PRDM2: variants seen among roughly 807,000 people sequenced by gnomAD.
The protein encoded by PRDM2 is PR/SET domain 2, also known as PR domain zinc finger protein 2.
A neutral mutation model predicts 130.0 loss-of-function variants in PRDM2; 30 were observed. The observed-to-expected ratio is 0.23, with a 90% CI of 0.17 to 0.31. The LOEUF is 0.31. Ranked by LOEUF, PRDM2 falls within the 10% of genes least tolerant of loss-of-function variation. PRDM2 has a pLI of 1.00. For missense variants in PRDM2, 2,011 were observed against 2,108.4 expected (o/e 0.95, Z 0.90); for synonymous variants, 871 against 782.4 (o/e 1.11, Z -1.89).
At chr1:13,769,210 G>T in intron 6 of PRDM2, 1 of 937,740 alleles carries the variant, frequency 1.1e-6, no homozygotes, top group African/African-American at 1.8e-5. Flanking sequence ...CCTCCCAGCG[G>T]CTCCTGCTCC....
chr1:13,811,846 T>G (rs1208266752), intron 8 of PRDM2, among the ~76,000 whole-genome samples: 1 of 152,162 alleles, frequency 6.6e-6, no homozygotes, highest in East Asian at 1.9e-4. Flanking sequence ...GAAGGCCTCT[T>G]TCAGGAGACA....
intron 7 of PRDM2, among the ~76,000 whole-genome samples, chr1:13,776,681 C>A (rs1278878328): frequency 6.6e-6 from 1 of 152,228 alleles, no homozygotes; most frequent in African/African-American, 2.4e-5. Context: ...GTTCCATTCT[C>A]AGTCCTCATT....
intron 8 of PRDM2, chr1:13,786,965 G>C: frequency 1.0e-6 from 1 of 990,264 alleles, no homozygotes; most frequent in Non-Finnish European, 1.2e-6. Flanking sequence ...AAAACGTTTT[G>C]GTCACATATC....
At chr1:13,723,060 G>A (rs764883025) in intron 2 of PRDM2, among the ~76,000 whole-genome samples, 2 of 152,068 alleles carry the variant, frequency 1.3e-5, no homozygotes, top group African/African-American at 4.8e-5. Context: ...CTTTCTTCCC[G>A]TCTCTATTCT....
At chr1:13,736,118 T>C (rs1461919556) in intron 4 of PRDM2, among the ~76,000 whole-genome samples, 1 of 150,146 alleles carries the variant, frequency 6.7e-6, no homozygotes, top group African/African-American at 2.4e-5. Context: ...TCTTTTCTTT[T>C]TTTTTTTTTT....
In PRDM2 at chr1:13,782,291, A is replaced by T. The variant is rs1644631143; in HGVS notation, c.4496A>T (p.His1499Leu). The T allele has an allele frequency of 6.8e-6, 11 of 1,614,018 alleles. No individual in the cohort carries two copies. Among genetic ancestry groups the T allele is most frequent in the Non-Finnish European group, 9.3e-6 (11 of 1,179,998 alleles). Reference protein sequence around the residue: ...KVSHSSKKGGHSSPASSDKNS... With the variant: ...KVSHSSKKGGLSSPASSDKNS... ...TCTCATTCATCTAAGAAAGGTGGACACTCATCACCTGCAAGTAGTGACAAA... is the reference window on the plus strand; with the variant it reads ...TCTCATTCATCTAAGAAAGGTGGACTCTCATCACCTGCAAGTAGTGACAAA... Residue 1499 changes from histidine to leucine, a missense_variant, in exon 8 of 10, where the codon CAC (histidine) becomes CTC (leucine). His to Leu is a moderately conservative substitution (Grantham distance 99, BLOSUM62 -3). Coordinates refer to ENST00000311066, the MANE Select transcript of PRDM2 (RefSeq NM_001393986.1).
Position 13,803,209 on chromosome 1 carries a change from T to C in PRDM2, c.5037-13218T>C, listed in dbSNP as rs1244910917. On this transcript the variant is annotated intron_variant, in intron 8 of 9. Transcript: ENST00000311066. The surrounding 1 kb of genome is among the most constrained non-coding windows in gnomAD (Gnocchi z 6.2). ...GACCTTGGCAATGAGAGAAACCGTA[T>C]AGGAAGCCACGCTGGGAGGATTTGG... Among the ~76,000 whole-genome samples the C allele has an allele frequency of 6.6e-6, 1 of 152,188 alleles. No homozygotes were observed. Among genetic ancestry groups the C allele is most frequent in the Non-Finnish European group, 1.5e-5 (1 of 68,042 alleles).
At chr1:13,805,957 C>T (rs990874544) in intron 8 of PRDM2, among the ~76,000 whole-genome samples, 4 of 152,122 alleles carry the variant, frequency 2.6e-5, no homozygotes, top group African/African-American at 9.7e-5. Flanking sequence ...CCTTTCCCTC[C>T]ACCCTTCTTG....
In PRDM2 at chr1:13,821,155, G is replaced by A. The variant is rs1040359860; in HGVS notation, c.*24-2004G>A. Among the ~76,000 whole-genome samples, 4 of 141,740 alleles carry A rather than the reference G, an allele frequency of 2.8e-5. No homozygotes were observed. In the South Asian group the frequency reaches 6.8e-4, roughly 24 times the overall value. 93.0% of individuals were successfully genotyped at this position (141,740 alleles called of 152,430 possible). On this transcript the variant is annotated intron_variant, in intron 9 of 9. Transcript: ENST00000311066. ...TCTGTGTTTCAATTCACGCATCTGC[G>A]AAATGGGTTAATAATAATAATACCT...
At chr1:13,739,299 C>T (rs1214879701) in intron 4 of PRDM2, among the ~76,000 whole-genome samples, 2 of 152,264 alleles carry the variant, frequency 1.3e-5, no homozygotes, top group South Asian at 4.2e-4. Flanking sequence ...CCTCCCGTCT[C>T]GGCCTCCCAG....
Position 13,780,182 on chromosome 1 carries a change from G to C in PRDM2, c.2387G>C (p.Ser796Thr), listed in dbSNP as rs1644575617. The C allele has an allele frequency of 6.3e-7, 1 of 1,599,574 alleles. No individual in the cohort carries two copies. Among genetic ancestry groups the C allele is most frequent in the Admixed American group, 1.7e-5 (1 of 58,558 alleles). The change falls in exon 8 of 10, where the codon AGC (serine) becomes ACC (threonine). Residue 796 changes from serine to threonine, a missense_variant. Coordinates refer to ENST00000311066, the MANE Select transcript of PRDM2 (RefSeq NM_001393986.1). ...LSGRDERETV[S>T]PPCFDEYKMS... ...GGGAGAGATGAGAGAGAAACTGTGA[G>C]CCCTCCATGCTTTGATGAATATAAA...
At chr1:13,769,599 A>G (rs1009505630) in intron 6 of PRDM2, among the ~76,000 whole-genome samples, 2 of 152,190 alleles carry the variant, frequency 1.3e-5, no homozygotes, top group Non-Finnish European at 2.9e-5. Context: ...GATGGTTCTC[A>G]TGAAGATTGA....
chr1:13,798,999 G>A (rs774843674), intron 8 of PRDM2, among the ~76,000 whole-genome samples: 7 of 152,110 alleles, frequency 4.6e-5, no homozygotes, highest in South Asian at 2.1e-4. Context: ...CTCCTTCACC[G>A]TGGTGAGTCA....
intron 8 of PRDM2, among the ~76,000 whole-genome samples, chr1:13,797,662 T>C (rs1485391630): frequency 6.6e-6 from 1 of 152,100 alleles, no homozygotes; most frequent in Non-Finnish European, 1.5e-5. Context: ...TGTTCCTGGG[T>C]GTGTGATGGG....
intron 8 of PRDM2, among the ~76,000 whole-genome samples, chr1:13,797,647 GTCTGTGT>G (rs1258921737): frequency 2.6e-5 from 4 of 152,162 alleles, no homozygotes; most frequent in Non-Finnish European, 5.9e-5. Flanking sequence ...GCCATTTCCT[GTCTGTGT>G]TCCTGGGTGT....
rs1427510672 is a variant in PRDM2, at chr1:13,824,358, C to T, written c.*1223C>T. 6.6e-6 allele frequency: 1 copy of T among 152,432 alleles called. No homozygotes were observed. Among genetic ancestry groups the T allele is most frequent in the Non-Finnish European group, 1.5e-5 (1 of 67,998 alleles). The allele number at this position is 152,432 out of a possible 1,614,324, so 9.4% of individuals were successfully genotyped here. A position where few individuals can be genotyped will look rare whatever the true frequency, so the allele number is the denominator to read the frequency against. ...AAAGGGATTTTTTTTTTCAGGGCTACTACGGTTGATCTTGCAACTCTGTAA... is the reference window on the plus strand; with the variant it reads ...AAAGGGATTTTTTTTTTCAGGGCTATTACGGTTGATCTTGCAACTCTGTAA... On this transcript the variant is annotated 3_prime_UTR_variant, in exon 10 of 10. Transcript: ENST00000311066.
At chr1:13,710,353 T>C (rs1642331311) in intron 1 of PRDM2, among the ~76,000 whole-genome samples, 2 of 152,250 alleles carry the variant, frequency 1.3e-5, no homozygotes, top group Admixed American at 1.3e-4. Context: ...GTTGACACTT[T>C]ATGGGACTAG....
chr1:13,749,734 C>T (rs1010591869), intron 6 of PRDM2, among the ~76,000 whole-genome samples: 9 of 151,942 alleles, frequency 5.9e-5, no homozygotes, highest in Non-Finnish European at 1.0e-4. Context: ...TGCTGAATCA[C>T]GGCCGCCGCG....
At chr1:13,742,862 GCTTTT>G (rs1206402799) in intron 5 of PRDM2, among the ~76,000 whole-genome samples, 1 of 152,196 alleles carries the variant, frequency 6.6e-6, no homozygotes, top group East Asian at 1.9e-4. Flanking sequence ...CCTTGGATTA[GCTTTT>G]CTTTTCCCTA....
Sources: allele counts gnomAD v4.1 joint callset (sites outside exome capture counted in the v4.1 genomes callset), GRCh38; gene constraint gnomAD v4.1.1; non-coding constraint Gnocchi (gnomAD v3.1); transcripts MANE v1.5; gene names NCBI Gene and HGNC (gene_info 2026-07-23, HGNC 2026-07-21).